Variants in TCEANC2 observed in about 807,000 individuals in gnomAD.
TCEANC2 encodes the protein transcription elongation factor A N-terminal and central domain-containing protein 2.
In TCEANC2, 20 loss-of-function variants were observed where a neutral mutation model predicts 22.8. The ratio of observed to expected loss-of-function variants is 0.88; its 90% CI spans 0.62 to 1.28. The LOEUF (loss-of-function observed/expected upper bound fraction) is 1.28, where lower values mean the gene tolerates loss of function less well. TCEANC2 is among the 50% of genes most tolerant of loss of function. The pLI, the probability that TCEANC2 is intolerant of heterozygous loss-of-function variation, is 0.00. For synonymous variants in TCEANC2, 84 were observed against 95.5 expected (o/e 0.88, Z 0.70); for missense variants, 251 against 249.7 (o/e 1.01, Z -0.03).
Position 54,104,553 on chromosome 1 carries a change from T to C in TCEANC2, c.*8080T>C, listed in dbSNP as rs1453613428. On this transcript the variant is annotated 3_prime_UTR_variant, in exon 5 of 5. Coordinates refer to ENST00000234827, the MANE Select transcript of TCEANC2 (RefSeq NM_153035.3). ...TTCCTTTGCCCAATTTTTTTTTCTT[T>C]TTCTTTTTCAGAGGTGGAGTCTCTG... 4.4e-6 allele frequency: 2 copies of C among 454,890 alleles called. No individual in the cohort carries two copies. Among genetic ancestry groups the C allele is most frequent in the African/African-American group, 4.0e-5 (2 of 49,896 alleles). 28.2% of individuals were successfully genotyped at this position (454,890 alleles called of 1,614,324 possible).
chr1:54,061,203 T>C (rs895741418), intron 2 of TCEANC2, among the ~76,000 whole-genome samples: 1 of 152,222 alleles, frequency 6.6e-6, no homozygotes, highest in Admixed American at 6.5e-5. Context: ...TAGAATCAGC[T>C]AGGTCCACTT....
chr1:54,097,566 A>T lies in TCEANC2; in HGVS notation c.*1093A>T, dbSNP rs6672905. 0.3 allele frequency: 46,241 copies of T among 152,072 alleles called. 7,700 individuals carry two copies. Among genetic ancestry groups the T allele is most frequent in the Admixed American group, 0.45 (6,802 of 15,260 alleles). The allele number at this position is 152,072 out of a possible 1,614,324, so 9.4% of individuals were successfully genotyped here. On this transcript the variant is annotated 3_prime_UTR_variant, in exon 5 of 5. Transcript: ENST00000234827. ...CAAGGGGAGAAGGGACGGGACTAAC[A>T]TTATTGCCTACCTTCTAAATACTAG...
chr1:54,090,869 GATA>G (rs897498390), intron 4 of TCEANC2, among the ~76,000 whole-genome samples: 1 of 152,142 alleles, frequency 6.6e-6, no homozygotes, highest in Non-Finnish European at 1.5e-5. Flanking sequence ...TTAAGTAAAT[GATA>G]ATAACAAAGC....
At chr1:54,089,913 A>T (rs1390409338) in intron 4 of TCEANC2, 1 of 749,804 alleles carries the variant, frequency 1.3e-6, no homozygotes, top group South Asian at 1.6e-5. Flanking sequence ...CATTCAGCAA[A>T]CAATGGCAAG....
chr1:54,089,708 A>C (rs1216105877), intron 4 of TCEANC2: 4 of 255,626 alleles, frequency 1.6e-5, no homozygotes, highest in Non-Finnish European at 2.9e-5. Flanking sequence ...CTCTAAAAAA[A>C]ATTTTAGCCT....
At chr1:54,093,643 A>G (rs1323221857) in intron 4 of TCEANC2, among the ~76,000 whole-genome samples, 1 of 151,630 alleles carries the variant, frequency 6.6e-6, no homozygotes, top group Non-Finnish European at 1.5e-5. Flanking sequence ...TTTCTGTTCT[A>G]TCTCTCTAAG....
chr1:54,055,867 C>T (rs138109543), intron 2 of TCEANC2, among the ~76,000 whole-genome samples: 3 of 152,256 alleles, frequency 2.0e-5, no homozygotes, highest in African/African-American at 7.2e-5. Flanking sequence ...ATCTATAAAA[C>T]GTGGAGATTG....
intron 2 of TCEANC2, among the ~76,000 whole-genome samples, chr1:54,064,651 AG>A (rs1259335653): frequency 6.6e-6 from 1 of 151,790 alleles, no homozygotes; most frequent in East Asian, 1.9e-4. Context: ...GTGCAAATAA[AG>A]ACTAGGCAAG....
intron 2 of TCEANC2, among the ~76,000 whole-genome samples, chr1:54,067,182 G>T (rs529303478): frequency 6.6e-6 from 1 of 152,322 alleles, no homozygotes; most frequent in African/African-American, 2.4e-5. Context: ...GGTATATTGG[G>T]AGGGCTGTTA....
chr1:54,084,838 T>G (rs979624011), intron 3 of TCEANC2, among the ~76,000 whole-genome samples: 2 of 152,226 alleles, frequency 1.3e-5, no homozygotes, highest in Non-Finnish European at 2.9e-5. Flanking sequence ...ATTTATCATT[T>G]TATTTTTAGC....
intron 3 of TCEANC2, among the ~76,000 whole-genome samples, chr1:54,083,991 A>G (rs1483905187): frequency 6.6e-6 from 1 of 151,590 alleles, no homozygotes; most frequent in Admixed American, 6.6e-5. Context: ...TACTACATGT[A>G]GAGCTATTTT....
chr1:54,095,745 G>A (rs1658534532), intron 4 of TCEANC2, among the ~76,000 whole-genome samples: 1 of 152,176 alleles, frequency 6.6e-6, no homozygotes, highest in South Asian at 2.1e-4. Flanking sequence ...CACAGTCCCA[G>A]CTCTGTCTCT....
intron 3 of TCEANC2, among the ~76,000 whole-genome samples, chr1:54,078,861 G>A (rs1362494394): frequency 6.6e-6 from 1 of 152,208 alleles, no homozygotes; most frequent in Non-Finnish European, 1.5e-5. Flanking sequence ...GACAGGACGA[G>A]AGTCAGGGCG....
Position 54,099,341 on chromosome 1 carries a change from G to A in TCEANC2, c.*2868G>A, listed in dbSNP as rs189738690. ...ATGCATGTGCAGAATTTCCATGAAC[G>A]CTAATGGAGCTATTCTGAGCATTTG... On this transcript the variant is annotated 3_prime_UTR_variant, in exon 5 of 5. Coordinates refer to ENST00000234827, the MANE Select transcript of TCEANC2 (RefSeq NM_153035.3). 2.6e-5 allele frequency: 4 copies of A among 152,320 alleles called. No homozygotes were observed. The highest frequency in any genetic ancestry group is 1.9e-4 in the East Asian group (1 of 5,174). The allele number at this position is 152,320 out of a possible 1,614,324, so 9.4% of individuals were successfully genotyped here.
At chr1:54,087,987 G>A (rs1484549464) in intron 3 of TCEANC2, among the ~76,000 whole-genome samples, 1 of 152,172 alleles carries the variant, frequency 6.6e-6, no homozygotes, top group Non-Finnish European at 1.5e-5. Context: ...CATAGGTTAA[G>A]GGTGCGAAGT....
chr1:54,057,067 G>C (rs1229664949), intron 2 of TCEANC2, among the ~76,000 whole-genome samples: 1 of 151,032 alleles, frequency 6.6e-6, no homozygotes, highest in Admixed American at 6.6e-5. Flanking sequence ...TAAAACAAAA[G>C]GCATATTTAA....
In TCEANC2 at chr1:54,096,176, T is replaced by G. The variant is rs1470741584; in HGVS notation, c.439-109T>G. 2 of 1,407,256 alleles carry G rather than the reference T, an allele frequency of 1.4e-6. No homozygotes were observed. The highest frequency in any genetic ancestry group is 1.9e-6 in the Non-Finnish European group (2 of 1,065,032). The allele number at this position is 1,407,256 out of a possible 1,614,324, so 87.2% of individuals were successfully genotyped here. ...TCTTGTGACAGGAAGTAGATGTCCT[T>G]GAATTTCAGTTGATTAATGGAGGCC... On this transcript the variant is annotated intron_variant, in intron 4 of 4. Coordinates refer to ENST00000234827, the MANE Select transcript of TCEANC2 (RefSeq NM_153035.3). This position sits in a 1 kb window ranked among gnomAD's most constrained non-coding sequence, Gnocchi z 4.9.
At chr1:54,075,309 A>G (rs1230006623) in intron 3 of TCEANC2, among the ~76,000 whole-genome samples, 1 of 152,234 alleles carries the variant, frequency 6.6e-6, no homozygotes, top group Non-Finnish European at 1.5e-5. Context: ...GAGACGGTGA[A>G]TACTTTTGCT....
chr1:54,074,629 T>A (rs1337398443), intron 3 of TCEANC2, among the ~76,000 whole-genome samples: 1 of 152,142 alleles, frequency 6.6e-6, no homozygotes, highest in African/African-American at 2.4e-5. Context: ...AATGCTGTCA[T>A]GGAATGCAAA....
Sources: gnomAD v4.1 joint callset for allele counts (sites outside exome capture counted in the v4.1 genomes callset) on GRCh38, gnomAD v4.1.1 for gene constraint, Gnocchi (gnomAD v3.1) non-coding constraint, MANE v1.5 for transcripts, NCBI Gene and HGNC (gene_info 2026-07-23, HGNC 2026-07-21) for gene names.